The following NAV2 variants were observed in gnomAD, a reference collection of about 807,000 sequenced individuals.
NAV2 encodes the protein helicase, APC down-regulated 1.
A neutral mutation model predicts 223.2 loss-of-function variants in NAV2; 54 were observed. The ratio of observed to expected loss-of-function variants is 0.24; its 90% confidence interval spans 0.19 to 0.30. The LOEUF (loss-of-function observed/expected upper bound fraction) is 0.30. Among genes scored for constraint, NAV2 ranks in the 10% least tolerant of loss-of-function variants. The probability of loss-of-function intolerance (pLI) is 1.00; values close to 1 mark genes in which losing one functional copy is unlikely to be tolerated. For synonymous variants in NAV2, 1,279 were observed against 1,239.3 expected (o/e 1.03, Z -0.67); for missense variants, 2,806 against 3,147.5 (o/e 0.89, Z 2.60).
intron 6 of NAV2, among the ~76,000 whole-genome samples, chr11:19,911,306 A>C (rs192896835): frequency 1.3e-5 from 2 of 152,304 alleles, no homozygotes; most frequent in Non-Finnish European, 2.9e-5. Flanking sequence ...TCCTGGAAGA[A>C]GTGAGGTCTA....
chr11:19,636,755 C>T (rs2047514636), intron 1 of NAV2, among the ~76,000 whole-genome samples: 1 of 152,160 alleles, frequency 6.6e-6, no homozygotes, highest in Non-Finnish European at 1.5e-5. Context: ...TAGGCGTGAG[C>T]CACCGCACCC....
chr11:19,452,600 C>T (rs1851827840), intron 1 of NAV2, among the ~76,000 whole-genome samples: 1 of 152,220 alleles, frequency 6.6e-6, no homozygotes, highest in African/African-American at 2.4e-5. Context: ...TATGTTAATA[C>T]ACCTATGCTG....
chr11:19,564,712 A>C (rs1323774372), intron 1 of NAV2, among the ~76,000 whole-genome samples: 1 of 152,132 alleles, frequency 6.6e-6, no homozygotes, highest in Admixed American at 6.5e-5. Flanking sequence ...CCGCCGCTTG[A>C]GTGCCCACCG....
chr11:19,446,232 G>T (rs1851577316), intron 1 of NAV2, among the ~76,000 whole-genome samples: 1 of 152,252 alleles, frequency 6.6e-6, no homozygotes, highest in Middle Eastern at 3.4e-3. Flanking sequence ...TGAAGCACAG[G>T]ATCAGGGATC....
At chr11:19,779,790 A>G (rs887406174) in intron 1 of NAV2, among the ~76,000 whole-genome samples, 3 of 152,236 alleles carry the variant, frequency 2.0e-5, no homozygotes, top group Admixed American at 2.0e-4. Context: ...TCTACGTTGT[A>G]CTGTTGGGTG....
intron 1 of NAV2, among the ~76,000 whole-genome samples, chr11:19,381,530 T>A (rs1053044087): frequency 6.6e-6 from 1 of 152,112 alleles, no homozygotes; most frequent in Non-Finnish European, 1.5e-5. Flanking sequence ...CCTGACTCTT[T>A]CCAGAGATGA....
At chr11:19,600,989 G>A (rs182756287) in intron 1 of NAV2, among the ~76,000 whole-genome samples, 1 of 152,146 alleles carries the variant, frequency 6.6e-6, no homozygotes, top group Non-Finnish European at 1.5e-5. Context: ...CTCCACAGAA[G>A]CTTTGTTTAT....
intron 1 of NAV2, among the ~76,000 whole-genome samples, chr11:19,376,068 A>G (rs1848632309): frequency 6.6e-6 from 1 of 152,224 alleles, no homozygotes; most frequent in African/African-American, 2.4e-5. Context: ...TCCAATGGGA[A>G]GTAACAGCTG....
intron 1 of NAV2, among the ~76,000 whole-genome samples, chr11:19,813,485 C>T (rs10766597): frequency 0.47 from 71,376 of 151,962 alleles, 19,360 homozygotes; most frequent in Non-Finnish European, 0.63. Flanking sequence ...ATGTAAGCAC[C>T]GAGAGTTGGA....
chr11:19,355,435 C>T (rs1026868436), intron 1 of NAV2, among the ~76,000 whole-genome samples: 1 of 152,102 alleles, frequency 6.6e-6, no homozygotes, highest in African/African-American at 2.4e-5. Context: ...GGCTGAACTG[C>T]TCTGGATCTG....
intron 12 of NAV2, among the ~76,000 whole-genome samples, chr11:20,038,073 T>C (rs1259340909): frequency 1.2e-4 from 19 of 152,184 alleles, no homozygotes; most frequent in Admixed American, 1.2e-3. Context: ...TAAAACACTG[T>C]ACTGGAAGAA....
chr11:19,904,302 A>G (rs2042686437), intron 6 of NAV2, among the ~76,000 whole-genome samples: 2 of 152,106 alleles, frequency 1.3e-5, no homozygotes, highest in African/African-American at 4.8e-5. Context: ...TGAGTATTCA[A>G]AAGTGAAAAA....
At chr11:19,481,921 G>T (rs1191894970) in intron 1 of NAV2, among the ~76,000 whole-genome samples, 1 of 152,102 alleles carries the variant, frequency 6.6e-6, no homozygotes, top group Non-Finnish European at 1.5e-5. Context: ...AATAGTAAAA[G>T]GTCAGTTAAG....
chr11:19,913,243 T>C (rs181826202), intron 6 of NAV2, among the ~76,000 whole-genome samples: 410 of 152,332 alleles, frequency 2.7e-3, no homozygotes, highest in African/African-American at 9.4e-3. Context: ...ATTTTGTATT[T>C]TTTGTGTTTG....
intron 1 of NAV2, among the ~76,000 whole-genome samples, chr11:19,749,882 C>CGA (rs1565251254): frequency 6.6e-6 from 1 of 152,212 alleles, no homozygotes; most frequent in Non-Finnish European, 1.5e-5. Context: ...GCCTGCCTCA[C>CGA]GTCTATGGCT....
At chr11:20,062,252 T>G in intron 19 of NAV2, 55 bp from the exon 20 acceptor site, 1 of 1,358,408 alleles carries the variant, frequency 7.4e-7, no homozygotes, top group South Asian at 1.2e-5. Flanking sequence ...CCCTGTCCCC[T>G]TTTTGGTTCC....
At chr11:20,015,805 A>G (rs978114801) in intron 11 of NAV2, among the ~76,000 whole-genome samples, 4 of 152,168 alleles carry the variant, frequency 2.6e-5, no homozygotes, top group African/African-American at 9.7e-5. Flanking sequence ...CAGTATCTCA[A>G]TTGGACCAAA....
At chr11:19,848,222 A>G (rs1278600190) in intron 3 of NAV2, among the ~76,000 whole-genome samples, 1 of 152,288 alleles carries the variant, frequency 6.6e-6, no homozygotes, top group African/African-American at 2.4e-5. Flanking sequence ...GTGATTTTCT[A>G]ACTTCTATTC....
chr11:19,991,085 G>A (rs115557260), intron 11 of NAV2, among the ~76,000 whole-genome samples: 238 of 152,196 alleles, frequency 1.6e-3, no homozygotes, highest in African/African-American at 5.5e-3. Context: ...GAATGAGGGT[G>A]GTGAAAGTGT....
Sources: allele counts gnomAD v4.1 joint callset (sites outside exome capture counted in the v4.1 genomes callset), GRCh38; gene constraint gnomAD v4.1.1; transcripts MANE v1.5; gene names NCBI Gene and HGNC (gene_info 2026-07-23, HGNC 2026-07-21).